TRAPPC9: variants seen among roughly 807,000 people sequenced by gnomAD.
TRAPPC9 encodes the protein IKK2 binding protein.
TRAPPC9 carries 83 observed loss-of-function variants against 124.0 expected under a neutral mutation model. That is an observed-to-expected ratio of 0.67 (90% CI 0.56 to 0.80). The LOEUF (loss-of-function observed/expected upper bound fraction) is 0.80, where lower values mean the gene tolerates loss of function less well. TRAPPC9 is among the 30% of genes least tolerant of loss of function. TRAPPC9 has a pLI of 0.00. For synonymous variants in TRAPPC9, 638 were observed against 617.5 expected (o/e 1.03, Z -0.49); for missense variants, 1,302 against 1,508.3 (o/e 0.86, Z 2.27).
intron 20 of TRAPPC9, chr8:139,908,568 T>A (rs1831508484): frequency 6.6e-6 from 1 of 152,202 alleles, no homozygotes; most frequent in Non-Finnish European, 1.5e-5. Flanking sequence ...CGGAGCCTTC[T>A]CCTTTGAAGC....
At chr8:139,842,882 C>T (rs75569969) in intron 21 of TRAPPC9, among the ~76,000 whole-genome samples, 6,391 of 152,292 alleles carry the variant, frequency 0.042, 288 homozygotes, top group East Asian at 0.19. Context: ...TTTCATGTCA[C>T]CCCTCTAATC....
chr8:140,254,160 C>T (rs1310407477), intron 15 of TRAPPC9, among the ~76,000 whole-genome samples: 1 of 152,218 alleles, frequency 6.6e-6, no homozygotes, highest in South Asian at 2.1e-4. Context: ...GGGCCCCAAA[C>T]GGCCTCACCA....
At position 140,120,598 on chromosome 8, in the gene TRAPPC9, C is replaced by T. The variant is rs145924026; in HGVS notation, c.2557-96519G>A. Among the ~76,000 whole-genome samples the T allele has an allele frequency of 2.3e-3, 351 of 151,756 alleles. 1 individual carries two copies. The highest frequency in any genetic ancestry group is 8.2e-3 in the African/African-American group (341 of 41,376). On this transcript the variant is annotated intron_variant, in intron 17 of 22. Coordinates refer to ENST00000438773, the MANE Select transcript of TRAPPC9 (RefSeq NM_001160372.4). ...TCCATCCATCCATTCATCCATCCAT[C>T]CATCATCCAACATCCATCCATCCGT...
chr8:140,449,720 A>G (rs1203472727), intron 2 of TRAPPC9, among the ~76,000 whole-genome samples: 1 of 152,234 alleles, frequency 6.6e-6, no homozygotes, highest in African/African-American at 2.4e-5. Flanking sequence ...CACTGTGGCC[A>G]TCAGGAGGGA....
chr8:139,877,580 C>T (rs1042936062), intron 21 of TRAPPC9, among the ~76,000 whole-genome samples: 1 of 152,200 alleles, frequency 6.6e-6, no homozygotes, highest in Non-Finnish European at 1.5e-5. Flanking sequence ...ATCAGACCCT[C>T]TGCAGCAGGA....
At chr8:140,118,954 T>C (rs905556500) in intron 17 of TRAPPC9, among the ~76,000 whole-genome samples, 3 of 152,218 alleles carry the variant, frequency 2.0e-5, no homozygotes, top group Non-Finnish European at 4.4e-5. Flanking sequence ...AGTCCCTCTT[T>C]GGCTTAAGAC....
chr8:140,273,930 C>T (rs1216888043), intron 15 of TRAPPC9, among the ~76,000 whole-genome samples: 1 of 152,176 alleles, frequency 6.6e-6, no homozygotes, highest in East Asian at 1.9e-4. Flanking sequence ...TGCTACTCTT[C>T]TGCCATCTTT....
chr8:140,123,007 G>A (rs2061016348), intron 17 of TRAPPC9, among the ~76,000 whole-genome samples: 1 of 152,186 alleles, frequency 6.6e-6, no homozygotes, highest in South Asian at 2.1e-4. Flanking sequence ...TTTATTTAAT[G>A]TGTTGAGCAA....
chr8:139,886,079 C>T, intron 20 of TRAPPC9, 110 bp from the exon 21 acceptor site: 2 of 1,002,098 alleles, frequency 2.0e-6, no homozygotes, highest in South Asian at 1.4e-5. Flanking sequence ...CAGCAGATGT[C>T]TCCCCTCTTC....
intron 21 of TRAPPC9, among the ~76,000 whole-genome samples, chr8:139,832,877 G>A (rs1231545741): frequency 9.9e-5 from 15 of 152,216 alleles, no homozygotes; most frequent in African/African-American, 3.1e-4. Flanking sequence ...CCATGATTAC[G>A]GCATTCTCTG....
At chr8:140,319,813 T>C (rs904984125) in intron 9 of TRAPPC9, among the ~76,000 whole-genome samples, 1 of 152,222 alleles carries the variant, frequency 6.6e-6, no homozygotes, top group Non-Finnish European at 1.5e-5. Context: ...CTTAACTATA[T>C]TGTTCTTACA....
chr8:140,010,471 C>T (rs1037829544), intron 18 of TRAPPC9, among the ~76,000 whole-genome samples: 5 of 152,178 alleles, frequency 3.3e-5, no homozygotes, highest in African/African-American at 9.6e-5. Context: ...TTAAAATATA[C>T]GGCACACAAA....
At chr8:139,759,970 C>T (rs1044812667) in intron 21 of TRAPPC9, among the ~76,000 whole-genome samples, 1 of 152,244 alleles carries the variant, frequency 6.6e-6, no homozygotes, top group African/African-American at 2.4e-5. Flanking sequence ...CAACTCCCAG[C>T]CCTGTCTCTC....
At chr8:140,371,923 G>C (rs938340780) in intron 7 of TRAPPC9, among the ~76,000 whole-genome samples, 5 of 152,108 alleles carry the variant, frequency 3.3e-5, no homozygotes, top group African/African-American at 1.2e-4. Flanking sequence ...GGCTGGTCTC[G>C]AACTCCTGAC....
intron 21 of TRAPPC9, among the ~76,000 whole-genome samples, chr8:139,787,186 A>G (rs530782946): frequency 1.3e-5 from 2 of 152,132 alleles, no homozygotes; most frequent in South Asian, 4.2e-4. Flanking sequence ...GAGTGTGGCC[A>G]CCCAGCACAG....
intron 9 of TRAPPC9, among the ~76,000 whole-genome samples, chr8:140,342,032 C>A (rs1324057633): frequency 6.6e-6 from 1 of 152,176 alleles, no homozygotes; most frequent in African/African-American, 2.4e-5. Flanking sequence ...AAAGAAAGGG[C>A]GGATCTGGAA....
At chr8:139,917,370 C>T (rs56383730) in intron 19 of TRAPPC9, among the ~76,000 whole-genome samples, 6,472 of 151,878 alleles carry the variant, frequency 0.043, 193 homozygotes, top group Non-Finnish European at 0.064. Context: ...TTAGTAGAGA[C>T]GGGGTTTCAC....
At chr8:139,929,468 G>A (rs1463102578) in intron 19 of TRAPPC9, among the ~76,000 whole-genome samples, 1 of 152,164 alleles carries the variant, frequency 6.6e-6, no homozygotes, top group Admixed American at 6.5e-5. Flanking sequence ...GAGCGTGGTG[G>A]CTCACGCCTG....
intron 17 of TRAPPC9, among the ~76,000 whole-genome samples, chr8:140,140,166 C>T (rs554919726): frequency 1.1e-3 from 167 of 152,300 alleles, no homozygotes; most frequent in African/African-American, 4.0e-3. Context: ...AGCCCTTACT[C>T]ATCCCATAGT....
Sources: allele counts gnomAD v4.1 joint callset (sites outside exome capture counted in the v4.1 genomes callset), GRCh38; gene constraint gnomAD v4.1.1; transcripts MANE v1.5; gene names NCBI Gene and HGNC (gene_info 2026-07-23, HGNC 2026-07-21).